Variants in ANOS1 observed in about 807,000 individuals in gnomAD.
ANOS1 encodes the protein anosmin 1.
ANOS1 carries 6 observed loss-of-function variants against 59.0 expected under a neutral mutation model. The observed-to-expected ratio is 0.10, with a 90% CI of 0.06 to 0.20. The LOEUF (loss-of-function observed/expected upper bound fraction) is 0.20, where lower values mean the gene tolerates loss of function less well. Ranked by LOEUF, ANOS1 falls within the 10% of genes least tolerant of loss-of-function variation. The pLI, the probability that ANOS1 is intolerant of heterozygous loss-of-function variation, is 1.00. For missense variants in ANOS1, 433 were observed against 542.3 expected (o/e 0.80, Z 2.00); for synonymous variants, 217 against 223.4 (o/e 0.97, Z 0.25).
chrX:8,658,310 A>G (rs1931967683), intron 2 of ANOS1, among the ~76,000 whole-genome samples: 1 of 111,454 alleles, frequency 9.0e-6, no homozygotes, highest in Admixed American at 9.5e-5. Context: ...CACGCTTCCA[A>G]TTAGCTAGCT....
At chrX:8,651,139 G>A (rs1569073688) in intron 2 of ANOS1, among the ~76,000 whole-genome samples, 1 of 112,227 alleles carries the variant, frequency 8.9e-6, no homozygotes, top group East Asian at 2.8e-4. Context: ...CTCTGGAGCC[G>A]CTGAGGGCGG....
intron 3 of ANOS1, among the ~76,000 whole-genome samples, chrX:8,615,554 AAAAAAGAAAAG>A (rs1931157200): frequency 1.0e-5 from 1 of 99,785 alleles, no homozygotes; most frequent in Non-Finnish European, 2.0e-5. Context: ...AAAAAAAAAA[AAAAAAGAAAAG>A]AAAAGAAAAG....
chrX:8,706,377 G>T (rs1275642541), intron 1 of ANOS1, among the ~76,000 whole-genome samples: 2 of 112,509 alleles, frequency 1.8e-5, no homozygotes, highest in African/African-American at 3.2e-5. Flanking sequence ...ACCAATCAAT[G>T]CTTTGACACT....
intron 2 of ANOS1, among the ~76,000 whole-genome samples, chrX:8,653,272 T>C (rs938884322): frequency 8.9e-6 from 1 of 111,784 alleles, no homozygotes; most frequent in Non-Finnish European, 1.9e-5. Flanking sequence ...TTCATTGCAG[T>C]TGCTTTAGAT....
chrX:8,534,103 C>A (rs1003460619), intron 13 of ANOS1, among the ~76,000 whole-genome samples: 9 of 107,851 alleles, frequency 8.3e-5, no homozygotes, highest in Admixed American at 3.1e-4. Flanking sequence ...AGAAAAAGAA[C>A]AATTAAGCAT....
At chrX:8,613,522 A>C (rs766123098) in intron 3 of ANOS1, among the ~76,000 whole-genome samples, 2 of 111,548 alleles carry the variant, frequency 1.8e-5, no homozygotes, top group African/African-American at 3.3e-5. Flanking sequence ...CACTGAGCCT[A>C]GCCTCATCTG....
At chrX:8,714,301 A>T (rs1932829419) in intron 1 of ANOS1, among the ~76,000 whole-genome samples, 2 of 111,948 alleles carry the variant, frequency 1.8e-5, no homozygotes, top group South Asian at 7.5e-4. Flanking sequence ...AAAGCTTGAC[A>T]GGTGCAATAT....
Position 8,536,648 on chromosome X carries a change from C to G in ANOS1, c.1621+123G>C, listed in dbSNP as rs771970696. On this transcript the variant is annotated intron_variant, in intron 11 of 13. Coordinates refer to ENST00000262648, the MANE Select transcript of ANOS1 (RefSeq NM_000216.4). Reference sequence around the variant, plus strand: ...TTCCCTCCACATTGGGCCATCATAACACAACTTAGAAAGAGAGGCACTTTT... The same window carrying G: ...TTCCCTCCACATTGGGCCATCATAAGACAACTTAGAAAGAGAGGCACTTTT... 3 of 548,931 alleles carry G rather than the reference C, an allele frequency of 5.5e-6. No individual in the cohort carries two copies. The African/African-American group carries it at 6.9e-5, about 13-fold the overall frequency. The allele number at this position is 548,931 out of a possible 1,213,427, so 45.2% of individuals were successfully genotyped here. A position where few individuals can be genotyped will look rare whatever the true frequency, so the allele number is the denominator to read the frequency against.
chrX:8,716,439 C>A (rs1365528482), intron 1 of ANOS1, among the ~76,000 whole-genome samples: 2 of 112,261 alleles, frequency 1.8e-5, no homozygotes, highest in Non-Finnish European at 3.8e-5. Flanking sequence ...AGGGCCCAAA[C>A]CTTCTCCTCT....
At chrX:8,576,471 CACACACACACACACACACAT>C (rs1930324064) in intron 6 of ANOS1, among the ~76,000 whole-genome samples, 2 of 97,746 alleles carry the variant, frequency 2.0e-5, no homozygotes, top group African/African-American at 8.8e-5. Flanking sequence ...TATATATACA[CACACACACACACACACACAT>C]ACACACACAC....
chrX:8,731,872 G>T lies in ANOS1; in HGVS notation c.165C>A (p.Ser55Arg), dbSNP rs1932982029. ...AGGCGGAGATGCGAGTGATCTGCAG[G>T]CTCAGGCACCTGGAGGCGCAGCGAG... ...QRARCASRCL[S>R]LQITRISAFF... Residue 55 changes from serine to arginine, a missense_variant, in exon 1 of 14, where the codon AGC (serine) becomes AGA (arginine). By Grantham distance (110) the Ser-to-Arg change is moderately radical. Coordinates refer to ENST00000262648, the MANE Select transcript of ANOS1 (RefSeq NM_000216.4). 1 of 1,194,096 alleles carries T rather than the reference G, an allele frequency of 8.4e-7. No individual in the cohort carries two copies. The highest frequency in any genetic ancestry group is 1.8e-5 in the African/African-American group (1 of 55,687).
intron 2 of ANOS1, among the ~76,000 whole-genome samples, chrX:8,644,250 A>G (rs1424793346): frequency 1.8e-5 from 2 of 111,532 alleles, no homozygotes; most frequent in African/African-American, 6.5e-5. Context: ...CCTCCACTCA[A>G]TGGACCCCAT....
chrX:8,708,195 G>A (rs1227122828), intron 1 of ANOS1, among the ~76,000 whole-genome samples: 4 of 112,165 alleles, frequency 3.6e-5, no homozygotes, highest in Non-Finnish European at 7.5e-5. Flanking sequence ...CTGCATTGCA[G>A]CCTGGGTGGC....
intron 2 of ANOS1, among the ~76,000 whole-genome samples, chrX:8,653,848 T>C (rs1280590243): frequency 8.9e-6 from 1 of 111,985 alleles, no homozygotes; most frequent in Non-Finnish European, 1.9e-5. Context: ...ATTCAATAAA[T>C]ATCCAGTGCA....
chrX:8,542,723 A>G (rs1344924310), intron 9 of ANOS1, among the ~76,000 whole-genome samples: 1 of 111,041 alleles, frequency 9.0e-6, no homozygotes, highest in Non-Finnish European at 1.9e-5. Context: ...CTTCAAAGTC[A>G]ACAACACTGG....
chrX:8,586,813 T>A (rs1930518456), intron 5 of ANOS1, among the ~76,000 whole-genome samples: 3 of 109,882 alleles, frequency 2.7e-5, no homozygotes, highest in African/African-American at 9.9e-5. Context: ...AATTTAATGT[T>A]GTGTTTTTAC....
intron 2 of ANOS1, among the ~76,000 whole-genome samples, chrX:8,699,073 C>T (rs755381212): frequency 5.3e-4 from 59 of 111,184 alleles, no homozygotes; most frequent in Non-Finnish European, 9.2e-4. Context: ...AACCTGATTA[C>T]GAAACCTACT....
chrX:8,568,988 T>TA (rs1159449660), intron 7 of ANOS1, among the ~76,000 whole-genome samples: 1 of 111,878 alleles, frequency 8.9e-6, no homozygotes, highest in Non-Finnish European at 1.9e-5. Context: ...GAGCTGTTTA[T>TA]AATAAAGTAA....
At chrX:8,610,023 AAAAAAAAAAAAACAAC>A (rs1365407448) in intron 3 of ANOS1, among the ~76,000 whole-genome samples, 1 of 88,549 alleles carries the variant, frequency 1.1e-5, no homozygotes, top group African/African-American at 4.1e-5. Flanking sequence ...AAAAAAAAAA[AAAAAAAAAAAAACAAC>A]AACCTTTAAA....
Sources: allele counts gnomAD v4.1 joint callset (sites outside exome capture counted in the v4.1 genomes callset), GRCh38; gene constraint gnomAD v4.1.1; transcripts MANE v1.5; gene names NCBI Gene and HGNC (gene_info 2026-07-23, HGNC 2026-07-21).